GNAI1: variants seen among roughly 807,000 people sequenced by gnomAD.
The protein encoded by GNAI1 is G protein subunit alpha i1.
A neutral mutation model predicts 38.9 loss-of-function variants in GNAI1; 11 were observed. The ratio of observed to expected loss-of-function variants is 0.28; its 90% CI spans 0.18 to 0.47. GNAI1 has a LOEUF of 0.47. Ranked by LOEUF, GNAI1 falls within the 20% of genes least tolerant of loss-of-function variation. The probability of loss-of-function intolerance (pLI) is 0.99; values close to 1 mark genes in which losing one functional copy is unlikely to be tolerated. For synonymous variants in GNAI1, 166 were observed against 145.1 expected (o/e 1.14, Z -1.04); for missense variants, 317 against 436.9 (o/e 0.73, Z 2.45).
chr7:80,205,171 C>G (rs1381808144), intron 5 of GNAI1, among the ~76,000 whole-genome samples: 1 of 152,090 alleles, frequency 6.6e-6, no homozygotes, highest in African/African-American at 2.4e-5. Context: ...ATAATAGAGT[C>G]ACATTATTCA....
At chr7:80,213,754 CAG>C (rs1788912530) in intron 7 of GNAI1, among the ~76,000 whole-genome samples, 2 of 151,960 alleles carry the variant, frequency 1.3e-5, no homozygotes, top group East Asian at 1.9e-4. Flanking sequence ...CTTAAAAAAA[CAG>C]GGAGTTTGAT....
chr7:80,182,867 A>G (rs1228005299), intron 1 of GNAI1, among the ~76,000 whole-genome samples: 1 of 152,120 alleles, frequency 6.6e-6, no homozygotes, highest in African/African-American at 2.4e-5. Context: ...AGCTTACCCT[A>G]CCTTTACTGT....
chr7:80,155,725 T>C (rs1424231400), intron 1 of GNAI1, among the ~76,000 whole-genome samples: 2 of 150,566 alleles, frequency 1.3e-5, no homozygotes, highest in Non-Finnish European at 1.5e-5. Context: ...CAGTTAGATG[T>C]TTAAGAAAAA....
intron 1 of GNAI1, among the ~76,000 whole-genome samples, chr7:80,137,843 C>T (rs955992433): frequency 6.6e-6 from 1 of 152,198 alleles, no homozygotes; most frequent in African/African-American, 2.4e-5. Flanking sequence ...AGAGTTCCAT[C>T]ACCCTAGTCC....
At chr7:80,200,344 A>AAAAC (rs1788661552) in intron 4 of GNAI1, among the ~76,000 whole-genome samples, 1 of 150,458 alleles carries the variant, frequency 6.6e-6, no homozygotes, top group Non-Finnish European at 1.5e-5. Flanking sequence ...AAAAAAAAAA[A>AAAAC]AAACCTAATC....
intron 1 of GNAI1, among the ~76,000 whole-genome samples, chr7:80,187,649 A>G (rs1329646332): frequency 6.6e-6 from 1 of 152,186 alleles, no homozygotes; most frequent in Non-Finnish European, 1.5e-5. Flanking sequence ...AAATGGGAAT[A>G]TGGAGCCTAA....
intron 1 of GNAI1, among the ~76,000 whole-genome samples, chr7:80,157,190 C>T (rs1787834238): frequency 6.6e-6 from 1 of 152,136 alleles, no homozygotes; most frequent in South Asian, 2.1e-4. Context: ...TCCAGAATGT[C>T]GTATAGTTGA....
At position 80,212,879 on chromosome 7, in the gene GNAI1, T is replaced by C. The variant is rs1239308791; in HGVS notation, c.874+10T>C. 1 of 1,533,390 alleles carries C rather than the reference T, an allele frequency of 6.5e-7. No homozygotes were observed. Among genetic ancestry groups the C allele is most frequent in the East Asian group, 2.4e-5 (1 of 42,396 alleles). 95.0% of individuals were successfully genotyped at this position (1,533,390 alleles called of 1,614,324 possible). A position where few individuals can be genotyped will look rare whatever the true frequency, so the allele number is the denominator to read the frequency against. On this transcript the variant is annotated intron_variant, in intron 7 of 7. Coordinates refer to ENST00000649796, the MANE Select transcript of GNAI1 (RefSeq NM_002069.6). The stretch of plus-strand genomic sequence containing the variant: ...TATCCAGAATATGCAGGTATTTTCC[T>C]TTTCTGGGAATAACTTGTCAAGTTA...
At chr7:80,157,650 G>A (rs556033047) in intron 1 of GNAI1, among the ~76,000 whole-genome samples, 1 of 152,252 alleles carries the variant, frequency 6.6e-6, no homozygotes, top group African/African-American at 2.4e-5. Context: ...ATGTGTAGTG[G>A]TATCTCATTG....
At chr7:80,184,297 G>A (rs945791491) in intron 1 of GNAI1, among the ~76,000 whole-genome samples, 7 of 152,156 alleles carry the variant, frequency 4.6e-5, no homozygotes, top group African/African-American at 1.2e-4. Flanking sequence ...CTGGTGACTC[G>A]AACGGTTATT....
intron 1 of GNAI1, among the ~76,000 whole-genome samples, chr7:80,162,828 T>C (rs900320448): frequency 4.6e-5 from 7 of 152,082 alleles, no homozygotes; most frequent in Admixed American, 1.3e-4. Context: ...GGGAAGAGAT[T>C]TAAGAGAGTT....
chr7:80,178,665 A>T (rs1788237020), intron 1 of GNAI1, among the ~76,000 whole-genome samples: 1 of 152,214 alleles, frequency 6.6e-6, no homozygotes, highest in Non-Finnish European at 1.5e-5. Context: ...GCTATTGCAT[A>T]GTTAATATAG....
At chr7:80,161,563 A>G (rs1787923547) in intron 1 of GNAI1, among the ~76,000 whole-genome samples, 1 of 152,190 alleles carries the variant, frequency 6.6e-6, no homozygotes, top group Non-Finnish European at 1.5e-5. Flanking sequence ...TCAAACAAAG[A>G]ATTTCTTTAA....
chr7:80,135,345 G>C, intron 1 of GNAI1, 67 bp downstream of exon 1: 3 of 980,608 alleles, frequency 3.1e-6, no homozygotes, highest in Non-Finnish European at 4.2e-6. Flanking sequence ...GCGGCCCTCG[G>C]CGTTTGGAAA....
chr7:80,182,828 G>GA (rs1788318618), intron 1 of GNAI1, among the ~76,000 whole-genome samples: 1 of 152,176 alleles, frequency 6.6e-6, no homozygotes, highest in South Asian at 2.1e-4. Context: ...CCTCAAGTAA[G>GA]AAGACTTCAA....
intron 1 of GNAI1, among the ~76,000 whole-genome samples, chr7:80,152,851 A>G (rs961941549): frequency 5.3e-5 from 8 of 151,998 alleles, no homozygotes; most frequent in African/African-American, 1.9e-4. Context: ...GATTACAGGC[A>G]TGAGCCACTG....
intron 1 of GNAI1, among the ~76,000 whole-genome samples, chr7:80,145,825 C>T (rs765637137): frequency 2.4e-4 from 37 of 152,056 alleles, no homozygotes; most frequent in Non-Finnish European, 5.1e-4. Context: ...ATCCTGTACA[C>T]CCTGGGTTGG....
intron 1 of GNAI1, among the ~76,000 whole-genome samples, chr7:80,186,023 CTTTTTTTTTTTTTTTT>C (rs533371119): frequency 9.7e-6 from 1 of 103,514 alleles, no homozygotes; most frequent in Non-Finnish European, 1.9e-5. Context: ...CATCCGCACT[CTTTTTTTTTTTTTTTT>C]TTTTTTTTTT....
chr7:80,203,997 CA>C (rs1366622772), intron 5 of GNAI1, among the ~76,000 whole-genome samples, 165 bp downstream of exon 5: 1 of 151,834 alleles, frequency 6.6e-6, no homozygotes, highest in African/African-American at 2.4e-5. Flanking sequence ...AGAAAGAAGT[CA>C]AAAAAAGCAT....
Sources: gnomAD v4.1 joint callset for allele counts (sites outside exome capture counted in the v4.1 genomes callset) on GRCh38, gnomAD v4.1.1 for gene constraint, MANE v1.5 for transcripts, NCBI Gene and HGNC (gene_info 2026-07-23, HGNC 2026-07-21) for gene names.